Variants in DQX1 observed in about 807,000 individuals in gnomAD.
The protein encoded by DQX1 is DEAQ-box RNA dependent ATPase 1.
In DQX1, 66 loss-of-function variants were observed where a neutral mutation model predicts 81.3. The observed-to-expected ratio is 0.81, with a 90% CI of 0.67 to 1.00. The LOEUF (loss-of-function observed/expected upper bound fraction) is 1.00, where lower values mean the gene tolerates loss of function less well. DQX1 is among the 50% of genes least tolerant of loss of function. The pLI is 0.00. For synonymous variants in DQX1, 290 were observed against 350.0 expected, an observed-to-expected ratio of 0.83 and a Z score of 1.91; for missense variants, 798 against 867.9, an observed-to-expected ratio of 0.92 and a Z score of 1.01.
intron 9 of DQX1, 73 bp downstream of exon 9, chr2:74,519,842 A>G: frequency 6.2e-7 from 1 of 1,602,434 alleles, no homozygotes; most frequent in Non-Finnish European, 8.5e-7. Flanking sequence ...GAGCATAGAG[A>G]TCTGTCAGCT....
Position 74,520,002 on chromosome 2 carries a change from C to T in DQX1, c.1528G>A (p.Ala510Thr). Residue 510 changes from alanine to threonine, a missense_variant, in exon 9 of 12, where the codon GCA becomes ACA. By Grantham distance (58) the Ala-to-Thr change is moderately conservative (BLOSUM62 0). Transcript: ENST00000404568. The part of the protein sequence containing the change: ...APGFTRPPLS[A>T]EEAALRRALE... ...GCCCGACGCAGGGCAGCTTCTTCTG[C>T]ACTGAGTGGAGGACGGGTAAACCCA... is the stretch of plus-strand genomic sequence containing the variant. The T allele has an allele frequency of 6.2e-7, 1 of 1,614,144 alleles. No homozygotes were observed.
At position 74,523,550 on chromosome 2, in the gene DQX1, G is replaced by A. The variant is rs1229390011; in HGVS notation, c.817-13C>T. The A allele has an allele frequency of 1.9e-6, 3 of 1,610,958 alleles. No homozygotes were observed. The highest frequency in any genetic ancestry group is 2.5e-6 in the Non-Finnish European group (3 of 1,177,620). On this transcript the variant is annotated splice_polypyrimidine_tract_variant and intron_variant, in intron 4 of 11. Transcript: ENST00000404568. Reference sequence around the variant, plus strand: ...ACAGGGAAATTTCCTGAGAAGAAGGGTGGGTGGGGCATTAGGGCAGTTCTC... The same window carrying A: ...ACAGGGAAATTTCCTGAGAAGAAGGATGGGTGGGGCATTAGGGCAGTTCTC...
rs368917011 is a variant in DQX1, at chr2:74,526,207, C to T, written c.-91G>A. On this transcript the variant is annotated 5_prime_UTR_variant, in exon 1 of 12. Coordinates refer to ENST00000404568, the MANE Select transcript of DQX1 (RefSeq NM_133637.3). ...CCACGTAGTCACCACCAACCCTGACCGTGTGAAGTACAAAGGTAAATTCCG... is the reference window on the plus strand; with the variant it reads ...CCACGTAGTCACCACCAACCCTGACTGTGTGAAGTACAAAGGTAAATTCCG... 1.2e-5 allele frequency: 2 copies of T among 161,306 alleles called. No individual in the cohort carries two copies. The highest frequency in any genetic ancestry group is 1.2e-4 in the Admixed American group (2 of 16,422). 10.0% of individuals were successfully genotyped at this position (161,306 alleles called of 1,614,324 possible).
Position 74,525,632 on chromosome 2 carries a change from G to A in DQX1, c.98C>T (p.Ser33Phe). 1 of 1,551,790 alleles carries A rather than the reference G, an allele frequency of 6.4e-7. No individual in the cohort carries two copies. The highest frequency in any genetic ancestry group is 8.7e-7 in the Non-Finnish European group (1 of 1,147,016). Reference sequence around the variant, plus strand: ...CTGCTTCAGCAGCTCATAGTAGCGGGAAGAGAAGGGAAGCCCATCAAAGGG... The same window carrying A: ...CTGCTTCAGCAGCTCATAGTAGCGGAAAGAGAAGGGAAGCCCATCAAAGGG... ...VNPFDGLPFS[S>F]RYYELLKQRQ... The change falls in exon 2 of 12, where the codon TCC becomes TTC. Residue 33 changes from serine to phenylalanine, a missense_variant. Physicochemically the swap from Ser to Phe is radical, Grantham distance 155. Transcript: ENST00000404568. This position sits in a 1 kb window ranked among gnomAD's most constrained non-coding sequence, Gnocchi z 4.1.
intron 9 of DQX1, 31 bp downstream of exon 9, chr2:74,519,884 C>A (rs778466905): frequency 6.2e-7 from 1 of 1,604,664 alleles, no homozygotes; most frequent in Non-Finnish European, 8.5e-7. Context: ...TTTGGAAAAT[C>A]TGGGATTCTA....
intron 8 of DQX1, among the ~76,000 whole-genome samples, chr2:74,521,524 C>T (rs1053261198): frequency 2.0e-5 from 3 of 152,060 alleles, no homozygotes; most frequent in African/African-American, 7.2e-5. Context: ...GTGGTGCGTG[C>T]CTGTAGTCCC....
chr2:74,525,492 C>A lies in DQX1; in HGVS notation c.237+1G>T. 1 of 1,552,150 alleles carries A rather than the reference C, an allele frequency of 6.4e-7. No homozygotes were observed. The highest frequency in any genetic ancestry group is 8.7e-7 in the Non-Finnish European group (1 of 1,147,172). On this transcript the variant is annotated splice_donor_variant, in intron 2 of 11. Coordinates refer to ENST00000404568, the MANE Select transcript of DQX1 (RefSeq NM_133637.3). LOFTEE classifies it high-confidence loss of function. This position sits in a 1 kb window ranked among gnomAD's most constrained non-coding sequence, Gnocchi z 4.1. ...GCCTGCCCCCACAACCCCCACCACA[C>A]CTGGGTGCTCTTGCCAGAACCAGGC... is the stretch of plus-strand genomic sequence containing the variant.
At position 74,518,340 on chromosome 2, in the gene DQX1, G is replaced by T; in HGVS notation, c.*106C>A. 7.3e-7 allele frequency: 1 copy of T among 1,373,348 alleles called. No homozygotes were observed. Among genetic ancestry groups the T allele is most frequent in the Non-Finnish European group, 1.0e-6 (1 of 1,003,590 alleles). 85.1% of individuals were successfully genotyped at this position (1,373,348 alleles called of 1,614,324 possible). A position where few individuals can be genotyped will look rare whatever the true frequency, so the allele number is the denominator to read the frequency against. Reference sequence around the variant, plus strand: ...GACTCAGGTTCCAGGGTTTACATTTGACCCTAAACTTTGGGCTTCTAAATC... The same window carrying T: ...GACTCAGGTTCCAGGGTTTACATTTTACCCTAAACTTTGGGCTTCTAAATC... On this transcript the variant is annotated 3_prime_UTR_variant, in exon 12 of 12. Coordinates refer to ENST00000404568, the MANE Select transcript of DQX1 (RefSeq NM_133637.3).
rs767587992 is a variant in DQX1 at position 74,522,970 on chromosome 2, C to A, written c.1189G>T (p.Ala397Ser). 2.5e-6 allele frequency: 4 copies of A among 1,614,018 alleles called. No homozygotes were observed. Among genetic ancestry groups the A allele is most frequent in the Non-Finnish European group, 3.4e-6 (4 of 1,180,030 alleles). Residue 397 changes from alanine (A) to serine (S), a missense_variant, in exon 7 of 12, where the codon GCT (alanine) becomes TCT (serine). Coordinates refer to ENST00000404568, the MANE Select transcript of DQX1 (RefSeq NM_133637.3). Reference sequence around the variant, plus strand: ...ACCCTGGGTTGTGGCAATGGTGGAGCTTCTAGTTCTAAGAAGGACTTAGGA... The same window carrying A: ...ACCCTGGGTTGTGGCAATGGTGGAGATTCTAGTTCTAAGAAGGACTTAGGA... The part of the protein sequence containing the change: ...LYPKSFLELE[A>S]PPLPQPRVCE...
chr2:74,518,646 CTCTG>C (rs1674948618), intron 11 of DQX1, 44 bp from the exon 12 acceptor site: 1 of 1,586,308 alleles, frequency 6.3e-7, no homozygotes, highest in Non-Finnish European at 8.6e-7. Context: ...TCTTCTCTCT[CTCTG>C]TCTCTCTCTT....
intron 3 of DQX1, among the ~76,000 whole-genome samples, 185 bp from the exon 4 acceptor site, chr2:74,524,492 A>C (rs1675120932): frequency 1.3e-5 from 2 of 152,212 alleles, no homozygotes; most frequent in South Asian, 4.1e-4. Context: ...CTTTGTTCAC[A>C]AGGTATACGC....
At chr2:74,524,925 G>A (rs772582073) in intron 3 of DQX1, 84 bp downstream of exon 3, 27 of 1,457,040 alleles carry the variant, frequency 1.9e-5, no homozygotes, top group Non-Finnish European at 2.3e-5. Context: ...GCTAAGGGAG[G>A]GTATGGTGAG....
At chr2:74,518,722 C>T (rs1443298144) in intron 11 of DQX1, 120 bp from the exon 12 acceptor site, 2 of 988,464 alleles carry the variant, frequency 2.0e-6, no homozygotes, top group South Asian at 3.2e-5. Context: ...TCATAACTCA[C>T]TGTAGCCTTA....
chr2:74,518,976 C>A, intron 11 of DQX1, 64 bp downstream of exon 11: 1 of 1,436,080 alleles, frequency 7.0e-7, no homozygotes, highest in South Asian at 1.5e-5. Flanking sequence ...CTCTAACTCC[C>A]CAGCCATAAT....
chr2:74,524,809 G>C (rs1675128448), intron 3 of DQX1, among the ~76,000 whole-genome samples, 200 bp downstream of exon 3: 1 of 152,150 alleles, frequency 6.6e-6, no homozygotes, highest in Admixed American at 6.5e-5. Context: ...CTTGAGCCCG[G>C]GAGGTTGAGG....
At chr2:74,519,293 A>C (rs1213185061) in intron 10 of DQX1, 63 bp from the exon 11 acceptor site, 76 of 1,495,172 alleles carry the variant, frequency 5.1e-5, no homozygotes, top group Non-Finnish European at 6.7e-5. Flanking sequence ...AGTAGAAAAA[A>C]ATAAAAGGGG....
intron 9 of DQX1, 67 bp from the exon 10 acceptor site, chr2:74,519,813 C>G: frequency 6.2e-7 from 1 of 1,602,508 alleles, no homozygotes; most frequent in Non-Finnish European, 8.5e-7. Context: ...AACCCTTAGC[C>G]AAAGGGCCTC....
intron 10 of DQX1, 126 bp downstream of exon 10, chr2:74,519,430 T>C: frequency 7.1e-7 from 1 of 1,398,780 alleles, no homozygotes; most frequent in Non-Finnish European, 9.7e-7. Context: ...AAGGGAAAAG[T>C]CCTTTCTGGT....
rs1675146677 is a variant in DQX1, at chr2:74,525,385, C to G, written c.237+108G>C. The G allele has an allele frequency of 3.0e-6, 4 of 1,312,572 alleles. No homozygotes were observed. The highest frequency in any genetic ancestry group is 4.2e-6 in the Non-Finnish European group (4 of 957,442). The allele number at this position is 1,312,572 out of a possible 1,614,324, so 81.3% of individuals were successfully genotyped here. A position where few individuals can be genotyped will look rare whatever the true frequency, so the allele number is the denominator to read the frequency against. On this transcript the variant is annotated intron_variant, in intron 2 of 11. Coordinates refer to ENST00000404568, the MANE Select transcript of DQX1 (RefSeq NM_133637.3). This position sits in a 1 kb window ranked among gnomAD's most constrained non-coding sequence, Gnocchi z 4.1. ...CGTTCACCTTCCTCATGACCCCACG[C>G]AGCCCAGTCCCCCCTTGCCCAGGGA...
Sources: allele counts gnomAD v4.1 joint callset (sites outside exome capture counted in the v4.1 genomes callset), GRCh38; gene constraint gnomAD v4.1.1; non-coding constraint Gnocchi (gnomAD v3.1); transcripts MANE v1.5; gene names NCBI Gene and HGNC (gene_info 2026-07-23, HGNC 2026-07-21).